Variants in GPC6 observed in about 807,000 individuals in gnomAD.
The protein encoded by GPC6 is glypican-6.
In GPC6, 14 loss-of-function variants were observed where a neutral mutation model predicts 55.2. The observed-to-expected ratio is 0.25, with a 90% CI of 0.17 to 0.40. GPC6 has a LOEUF of 0.40. GPC6 is among the 10% of genes least tolerant of loss of function. The pLI, the probability that GPC6 is intolerant of heterozygous loss-of-function variation, is 1.00. For synonymous variants in GPC6, 278 were observed against 259.6 expected (o/e 1.07, Z -0.68); for missense variants, 641 against 708.5 (o/e 0.90, Z 1.08).
At chr13:93,516,881 CTT>C (rs1438165849) in intron 1 of GPC6, among the ~76,000 whole-genome samples, 1 of 152,052 alleles carries the variant, frequency 6.6e-6, no homozygotes, top group Non-Finnish European at 1.5e-5. Context: ...GCAGCAGTCT[CTT>C]TGAATTAGAA....
chr13:93,306,117 CA>C (rs1473213601), intron 1 of GPC6, among the ~76,000 whole-genome samples: 1 of 152,130 alleles, frequency 6.6e-6, no homozygotes, highest in East Asian at 1.9e-4. Flanking sequence ...GGGTACTGAA[CA>C]GTCACATTCC....
intron 1 of GPC6, among the ~76,000 whole-genome samples, chr13:93,369,382 G>C (rs1881372284): frequency 6.6e-6 from 1 of 152,114 alleles, no homozygotes; most frequent in African/African-American, 2.4e-5. Context: ...GGAAGCAGGA[G>C]TGGCTATATC....
intron 3 of GPC6, among the ~76,000 whole-genome samples, chr13:93,840,336 A>G (rs1887903951): frequency 6.6e-6 from 1 of 152,152 alleles, no homozygotes; most frequent in Non-Finnish European, 1.5e-5. Flanking sequence ...CATAAACTAG[A>G]AAACCTAGAA....
chr13:94,044,337 A>G (rs1883647151), intron 4 of GPC6, among the ~76,000 whole-genome samples: 1 of 151,878 alleles, frequency 6.6e-6, no homozygotes, highest in Admixed American at 6.6e-5. Context: ...GTGTTCCACT[A>G]TTGGAATGCT....
intron 2 of GPC6, among the ~76,000 whole-genome samples, chr13:93,593,703 T>C (rs945199531): frequency 6.6e-6 from 1 of 152,142 alleles, no homozygotes; most frequent in African/African-American, 2.4e-5. Context: ...AAAATTATAC[T>C]TATTGAAATT....
chr13:93,231,605 C>T (rs1424442742), intron 1 of GPC6, among the ~76,000 whole-genome samples: 4 of 151,312 alleles, frequency 2.6e-5, no homozygotes, highest in African/African-American at 7.3e-5. Flanking sequence ...ATGGTTCATG[C>T]GTTTATGCCT....
intron 1 of GPC6, among the ~76,000 whole-genome samples, chr13:93,523,019 A>G (rs1392651170): frequency 6.7e-6 from 1 of 148,516 alleles, no homozygotes; most frequent in Non-Finnish European, 1.5e-5. Flanking sequence ...AAAAATATAT[A>G]TATATATATA....
At chr13:93,695,840 C>T (rs1882434411) in intron 2 of GPC6, among the ~76,000 whole-genome samples, 3 of 152,048 alleles carry the variant, frequency 2.0e-5, no homozygotes, top group Non-Finnish European at 4.4e-5. Flanking sequence ...TTCTATTATG[C>T]TCTGCAGGTT....
intron 2 of GPC6, among the ~76,000 whole-genome samples, chr13:93,718,523 A>T (rs1883332966): frequency 6.6e-6 from 1 of 151,962 alleles, no homozygotes; most frequent in African/African-American, 2.4e-5. Context: ...TCAGATGGAG[A>T]GATTGCAAAA....
chr13:93,852,236 C>T (rs531873475), intron 3 of GPC6, among the ~76,000 whole-genome samples: 13 of 151,812 alleles, frequency 8.6e-5, no homozygotes, highest in African/African-American at 3.1e-4. Flanking sequence ...TGGAAGTCAT[C>T]TCAGTTTTTG....
chr13:94,305,858 A>G, intron 5 of GPC6, 122 bp from the exon 6 acceptor site: 1 of 887,762 alleles, frequency 1.1e-6, no homozygotes, highest in Non-Finnish European at 1.9e-6. Context: ...TCAAAATTAG[A>G]GTTTATTGGA....
intron 4 of GPC6, among the ~76,000 whole-genome samples, chr13:94,214,523 T>C (rs1260931808): frequency 6.6e-6 from 1 of 152,180 alleles, no homozygotes; most frequent in Non-Finnish European, 1.5e-5. Flanking sequence ...GTTGTTTTTA[T>C]TAGGTAGGCA....
chr13:93,776,358 G>A (rs1885467630), intron 2 of GPC6, among the ~76,000 whole-genome samples: 1 of 152,130 alleles, frequency 6.6e-6, no homozygotes, highest in African/African-American at 2.4e-5. Flanking sequence ...TCTTACAGAT[G>A]AAACTGCTGA....
chr13:94,320,036 C>T (rs1369606817), intron 6 of GPC6, among the ~76,000 whole-genome samples: 2 of 152,298 alleles, frequency 1.3e-5, no homozygotes, highest in East Asian at 3.9e-4. Flanking sequence ...CCATCCTCCA[C>T]ATCTCTTAAC....
chr13:94,374,084 C>T (rs1030506204), intron 6 of GPC6, among the ~76,000 whole-genome samples: 4 of 152,096 alleles, frequency 2.6e-5, no homozygotes, highest in Admixed American at 1.3e-4. Flanking sequence ...TGGAAAGGAA[C>T]AACCGATACC....
At chr13:93,443,969 C>T (rs1001978802) in intron 1 of GPC6, among the ~76,000 whole-genome samples, 67 of 152,256 alleles carry the variant, frequency 4.4e-4, no homozygotes, top group African/African-American at 1.5e-3. Context: ...ACCATTATAT[C>T]CGCTTGGGAG....
chr13:93,942,413 A>C (rs1878782808), intron 3 of GPC6, among the ~76,000 whole-genome samples: 1 of 152,100 alleles, frequency 6.6e-6, no homozygotes, highest in Admixed American at 6.5e-5. Context: ...TCGAACTCCC[A>C]GGCTTTGGTG....
chr13:93,912,498 A>T (rs573149442), intron 3 of GPC6, among the ~76,000 whole-genome samples: 2 of 152,104 alleles, frequency 1.3e-5, no homozygotes, highest in African/African-American at 2.4e-5. Flanking sequence ...AATCCCAGCA[A>T]TTTGGGAGGC....
At chr13:93,984,565 T>A (rs944715658) in intron 3 of GPC6, among the ~76,000 whole-genome samples, 3 of 152,296 alleles carry the variant, frequency 2.0e-5, no homozygotes, top group Admixed American at 1.3e-4. Context: ...GGACTTTCCT[T>A]AGATGACACA....
Sources: allele counts gnomAD v4.1 joint callset (sites outside exome capture counted in the v4.1 genomes callset), GRCh38; gene constraint gnomAD v4.1.1; transcripts MANE v1.5; gene names NCBI Gene and HGNC (gene_info 2026-07-23, HGNC 2026-07-21).